The following SNX13 variants were observed in gnomAD, a reference collection of about 807,000 sequenced individuals.
The protein encoded by SNX13 is sorting nexin 13.
Under a neutral mutation model 133.6 loss-of-function variants are expected in SNX13, and 45 were observed. The ratio of observed to expected loss-of-function variants is 0.34; its 90% CI spans 0.27 to 0.43. The LOEUF is 0.43. SNX13 is among the 20% of genes least tolerant of loss of function. SNX13 has a pLI of 1.00. For synonymous variants in SNX13, 414 were observed against 373.9 expected, an observed-to-expected ratio of 1.11 and a Z score of -1.24; for missense variants, 1,032 against 1,145.1, an observed-to-expected ratio of 0.90 and a Z score of 1.43.
chr7:17,842,549 G>T (rs1380950256), intron 12 of SNX13, among the ~76,000 whole-genome samples: 1 of 151,568 alleles, frequency 6.6e-6, no homozygotes, highest in Non-Finnish European at 1.5e-5. Flanking sequence ...AAAAATATGG[G>T]CAATTATAAA....
chr7:17,814,778 AC>A lies in SNX13; in HGVS notation c.2064+55del, dbSNP rs1237454479. 2.2e-6 allele frequency: 3 copies of A among 1,336,602 alleles called. No homozygotes were observed. In the Admixed American group the frequency reaches 1.1e-4, roughly 47 times the overall value. 82.8% of individuals were successfully genotyped at this position (1,336,602 alleles called of 1,614,324 possible). On this transcript the variant is annotated intron_variant, in intron 20 of 25. Transcript: ENST00000428135. ...CTAAATTTATTTTCTTTTATTACAA[AC>A]AAAGTAAGAAAACAGACCTAGAAAG...
chr7:17,825,654 A>T (rs1787827346), intron 17 of SNX13, among the ~76,000 whole-genome samples: 1 of 152,138 alleles, frequency 6.6e-6, no homozygotes, highest in Non-Finnish European at 1.5e-5. Context: ...ATCTAGCCTG[A>T]CTTTGTATAT....
intron 1 of SNX13, among the ~76,000 whole-genome samples, chr7:17,920,159 CTAA>C (rs1799974497): frequency 6.6e-6 from 1 of 152,104 alleles, no homozygotes; most frequent in African/African-American, 2.4e-5. Context: ...GCAAAATAGA[CTAA>C]TGTTTAAAAG....
chr7:17,818,238 T>C (rs1264477509), intron 18 of SNX13, among the ~76,000 whole-genome samples: 1 of 152,156 alleles, frequency 6.6e-6, no homozygotes, highest in Non-Finnish European at 1.5e-5. Context: ...GGCCACCCGG[T>C]TGGTGGCATT....
At chr7:17,827,122 T>A (rs1371962032) in intron 16 of SNX13, among the ~76,000 whole-genome samples, 1 of 152,046 alleles carries the variant, frequency 6.6e-6, no homozygotes, top group East Asian at 1.9e-4. Context: ...CTCCAATGAA[T>A]TTTCCTGGTG....
Position 17,793,959 on chromosome 7 carries a change from A to C in SNX13, c.*86T>G. On this transcript the variant is annotated 3_prime_UTR_variant, in exon 26 of 26. Transcript: ENST00000428135. ...GAGACACTAAAAGACTGGTGCAGAC[A>C]CAACAGTATTTGAGTTAAGCCCCAG... is the stretch of plus-strand genomic sequence containing the variant. 7.0e-7 allele frequency: 1 copy of C among 1,418,960 alleles called. No individual in the cohort carries two copies. The highest frequency in any genetic ancestry group is 9.6e-7 in the Non-Finnish European group (1 of 1,041,198). The allele number at this position is 1,418,960 out of a possible 1,614,324, so 87.9% of individuals were successfully genotyped here. A position where few individuals can be genotyped will look rare whatever the true frequency, so the allele number is the denominator to read the frequency against.
intron 22 of SNX13, among the ~76,000 whole-genome samples, chr7:17,799,479 G>GCT (rs1784397259): frequency 6.6e-6 from 1 of 151,614 alleles, no homozygotes; most frequent in Non-Finnish European, 1.5e-5. Flanking sequence ...GTTTGATAAG[G>GCT]CAAATGCTAG....
intron 9 of SNX13, among the ~76,000 whole-genome samples, chr7:17,859,535 C>A (rs375003952): frequency 6.6e-6 from 1 of 152,008 alleles, no homozygotes; most frequent in African/African-American, 2.4e-5. Flanking sequence ...CTACTGTGGT[C>A]AAAAACAGAA....
chr7:17,860,439 T>G (rs1792527909), intron 9 of SNX13, among the ~76,000 whole-genome samples: 1 of 152,246 alleles, frequency 6.6e-6, no homozygotes, highest in African/African-American at 2.4e-5. Context: ...GGGTACCTTT[T>G]CACTCTGGTG....
chr7:17,874,702 G>A (rs1266123829), intron 7 of SNX13, among the ~76,000 whole-genome samples: 11 of 152,168 alleles, frequency 7.2e-5, no homozygotes, highest in Non-Finnish European at 1.6e-4. Context: ...GAATATAATT[G>A]CATAAGTGAT....
At chr7:17,861,274 T>C (rs1372998446) in intron 9 of SNX13, among the ~76,000 whole-genome samples, 3 of 151,852 alleles carry the variant, frequency 2.0e-5, no homozygotes, top group African/African-American at 7.3e-5. Flanking sequence ...CTGCCAGAAA[T>C]GTCAGGCAGC....
intron 13 of SNX13, among the ~76,000 whole-genome samples, chr7:17,839,112 AT>A (rs1472172611): frequency 2.0e-5 from 3 of 149,686 alleles, no homozygotes; most frequent in Non-Finnish European, 4.5e-5. Flanking sequence ...CTATATATGT[AT>A]TCTATACATT....
At position 17,918,582 on chromosome 7, in the gene SNX13, C is replaced by T. The variant is rs192784898; in HGVS notation, c.13-21136G>A. 1.6e-4 allele frequency among the ~76,000 whole-genome samples: 25 copies of T among 152,114 alleles called. No homozygotes were observed. The East Asian group carries it at 4.6e-3, about 28-fold the overall frequency. On this transcript the variant is annotated intron_variant, in intron 1 of 25. Coordinates refer to ENST00000428135, the MANE Select transcript of SNX13 (RefSeq NM_015132.5). The stretch of plus-strand genomic sequence containing the variant: ...TATCATCTCACATCAGTCAAAATGA[C>T]TATTATTAAAAAGTCAAAAAATAAC...
At chr7:17,832,136 A>G (rs1788563707) in intron 15 of SNX13, 1 of 984,162 alleles carries the variant, frequency 1.0e-6, no homozygotes, top group African/African-American at 1.7e-5. Context: ...TAACTGATAT[A>G]TAAGAGAAGC....
chr7:17,834,118 G>A lies in SNX13; in HGVS notation c.1531C>T (p.Arg511Cys), dbSNP rs960803553. 6.9e-6 allele frequency: 11 copies of A among 1,591,490 alleles called. No homozygotes were observed. Among genetic ancestry groups the A allele is most frequent in the Admixed American group, 3.4e-5 (2 of 58,700 alleles). ...PSFRQNALYV[R>C]MLAELDMLKD... ...AACATGTCAAGCTCAGCTAACATGC[G>A]CACATAAAGTGCATTCTGTCTGAAG... Residue 511 changes from arginine to cysteine, a missense_variant, in exon 15 of 26, where the codon CGC (arginine) becomes TGC (cysteine). Physicochemically the swap from Arg to Cys is radical, Grantham distance 180 (BLOSUM62 -3). Coordinates refer to ENST00000428135, the MANE Select transcript of SNX13 (RefSeq NM_015132.5).
chr7:17,893,075 A>C (rs1796810157), intron 3 of SNX13, among the ~76,000 whole-genome samples: 1 of 152,214 alleles, frequency 6.6e-6, no homozygotes, highest in Non-Finnish European at 1.5e-5. Flanking sequence ...CAGCAGGAAA[A>C]ATACCCAAAA....
chr7:17,822,479 G>T (rs899817259), intron 17 of SNX13, among the ~76,000 whole-genome samples: 1 of 151,468 alleles, frequency 6.6e-6, no homozygotes, highest in South Asian at 2.1e-4. Context: ...GTATTTTTTT[G>T]ATCTCTAGAG....
intron 20 of SNX13, among the ~76,000 whole-genome samples, chr7:17,806,952 T>C (rs958607902): frequency 1.3e-5 from 2 of 152,198 alleles, no homozygotes; most frequent in South Asian, 2.1e-4. Context: ...CCACAGTCTT[T>C]GCAACCCACA....
At chr7:17,890,668 T>A (rs142777939) in intron 4 of SNX13, among the ~76,000 whole-genome samples, 184 bp from the exon 5 acceptor site, 1 of 151,830 alleles carries the variant, frequency 6.6e-6, no homozygotes, top group African/African-American at 2.4e-5. Context: ...CAAACATTTT[T>A]AAATTATTCT....
Sources: allele counts gnomAD v4.1 joint callset (sites outside exome capture counted in the v4.1 genomes callset), GRCh38; gene constraint gnomAD v4.1.1; transcripts MANE v1.5; gene names NCBI Gene and HGNC (gene_info 2026-07-23, HGNC 2026-07-21).